PIEZO2: variants seen among roughly 807,000 people sequenced by gnomAD.
The protein encoded by PIEZO2 is piezo type mechanosensitive ion channel component 2, also known as piezo-type mechanosensitive ion channel component 2.
In PIEZO2, 172 loss-of-function variants were observed where a neutral mutation model predicts 337.3. The observed-to-expected ratio is 0.51, with a 90% CI of 0.45 to 0.58. The LOEUF (loss-of-function observed/expected upper bound fraction) is 0.58, where lower values mean the gene tolerates loss of function less well. PIEZO2 is among the 20% of genes least tolerant of loss of function. The probability of loss-of-function intolerance (pLI) is 0.00; values close to 1 mark genes in which losing one functional copy is unlikely to be tolerated. For missense variants in PIEZO2, 3,028 were observed against 3,391.3 expected (o/e 0.89, Z 2.66); for synonymous variants, 1,251 against 1,228.5 (o/e 1.02, Z -0.38).
intron 2 of PIEZO2, among the ~76,000 whole-genome samples, chr18:11,013,696 C>G (rs1008747207): frequency 6.6e-6 from 1 of 152,168 alleles, no homozygotes; most frequent in Non-Finnish European, 1.5e-5. Context: ...ATGCAACATT[C>G]TAATTCATTA....
At chr18:11,140,742 C>T (rs2040620325) in intron 1 of PIEZO2, among the ~76,000 whole-genome samples, 1 of 152,110 alleles carries the variant, frequency 6.6e-6, no homozygotes, top group African/African-American at 2.4e-5. Context: ...GGCCACAGAC[C>T]GACTTTTCCC....
intron 3 of PIEZO2, among the ~76,000 whole-genome samples, chr18:10,957,851 G>A (rs574648850): frequency 3.9e-5 from 6 of 152,134 alleles, no homozygotes; most frequent in South Asian, 2.1e-4. Context: ...AAAAACGGGC[G>A]AAGAATCTGA....
In PIEZO2 at chr18:11,112,160, T is replaced by C. The variant is rs1186839769; in HGVS notation, c.64+36365A>G. Among the ~76,000 whole-genome samples, 1 of 152,222 alleles carries C rather than the reference T, an allele frequency of 6.6e-6. No individual in the cohort carries two copies. Among genetic ancestry groups the C allele is most frequent in the African/African-American group, 2.4e-5 (1 of 41,462 alleles). ...CAAAATAACCAGATACTCATATTTA[T>C]GTATGTATTTCTAATTTAAGTAATC... On this transcript the variant is annotated intron_variant, in intron 1 of 55. Transcript: ENST00000674853. This position sits in a 1 kb window ranked among gnomAD's most constrained non-coding sequence, Gnocchi z 4.3.
chr18:10,720,361 TTCTGTGTGTGTGTGTG>T (rs2036222475), intron 36 of PIEZO2, among the ~76,000 whole-genome samples: 1 of 67,266 alleles, frequency 1.5e-5, no homozygotes, highest in Non-Finnish European at 2.9e-5. Flanking sequence ...CCTATATATA[TTCTGTGTGTGTGTGTG>T]TGTGTGTGTG....
At chr18:10,999,744 G>A (rs1035956610) in intron 2 of PIEZO2, among the ~76,000 whole-genome samples, 1 of 152,070 alleles carries the variant, frequency 6.6e-6, no homozygotes, top group African/African-American at 2.4e-5. Context: ...TAGAAAAATT[G>A]TCTTAGAAAG....
At chr18:10,971,202 A>G (rs541312560) in intron 3 of PIEZO2, among the ~76,000 whole-genome samples, 2 of 152,188 alleles carry the variant, frequency 1.3e-5, no homozygotes, top group Non-Finnish European at 2.9e-5. Context: ...CATCTTCAAA[A>G]TTTTGAAAGA....
At chr18:10,715,415 G>C (rs1022631353) in intron 38 of PIEZO2, among the ~76,000 whole-genome samples, 2 of 152,184 alleles carry the variant, frequency 1.3e-5, no homozygotes, top group African/African-American at 4.8e-5. Flanking sequence ...GGAGGGATAG[G>C]ATGAATAAAG....
At position 10,818,208 on chromosome 18, in the gene PIEZO2, A is replaced by G. The variant is rs530701557; in HGVS notation, c.918-10934T>C. ...CTCTGTTCTGCCAAAGTGCTATTAG[A>G]TTAGATATAAGAAATTTCTTGAAGT... On this transcript the variant is annotated intron_variant, in intron 7 of 55. Coordinates refer to ENST00000674853, the MANE Select transcript of PIEZO2 (RefSeq NM_001378183.1). Among the ~76,000 whole-genome samples the G allele has an allele frequency of 3.2e-3, 491 of 152,278 alleles. 1 individual carries two copies. The highest frequency in any genetic ancestry group is 5.2e-3 in the Non-Finnish European group (351 of 68,016).
chr18:10,884,079 G>A (rs2042503127), intron 4 of PIEZO2, among the ~76,000 whole-genome samples: 1 of 151,998 alleles, frequency 6.6e-6, no homozygotes, highest in African/African-American at 2.4e-5. Flanking sequence ...CCAAAGTGCT[G>A]GGATTACAGG....
Position 11,092,717 on chromosome 18 carries a change from G to C in PIEZO2, c.65-26495C>G, listed in dbSNP as rs2039131776. On this transcript the variant is annotated intron_variant, in intron 1 of 55. Coordinates refer to ENST00000674853, the MANE Select transcript of PIEZO2 (RefSeq NM_001378183.1). The surrounding 1 kb of genome is among the most constrained non-coding windows in gnomAD (Gnocchi z 4.5). Reference sequence around the variant, plus strand: ...AAGAGCTTTGTCAAACCAAGAAAGAGGGTCACAAATGAGTTGCAGCCTTGC... The same window carrying C: ...AAGAGCTTTGTCAAACCAAGAAAGACGGTCACAAATGAGTTGCAGCCTTGC... Among the ~76,000 whole-genome samples the C allele has an allele frequency of 6.6e-6, 1 of 152,156 alleles. No homozygotes were observed. The highest frequency in any genetic ancestry group is 1.5e-5 in the Non-Finnish European group (1 of 68,032).
In PIEZO2 at chr18:11,028,441, A is replaced by G. The variant is rs1417240776; in HGVS notation, c.160+37686T>C. Among the ~76,000 whole-genome samples the G allele has an allele frequency of 6.6e-6, 1 of 151,964 alleles. No homozygotes were observed. The highest frequency in any genetic ancestry group is 1.5e-5 in the Non-Finnish European group (1 of 68,002). On this transcript the variant is annotated intron_variant, in intron 2 of 55. Coordinates refer to ENST00000674853, the MANE Select transcript of PIEZO2 (RefSeq NM_001378183.1). This position sits in a 1 kb window ranked among gnomAD's most constrained non-coding sequence, Gnocchi z 4.8. The stretch of plus-strand genomic sequence containing the variant: ...ACACCTGGGTAATTTTTGTATTTTT[A>G]GTAGAGACAGGGTTTCACCATGCTG...
intron 3 of PIEZO2, among the ~76,000 whole-genome samples, chr18:10,937,868 T>C (rs940139380): frequency 6.6e-6 from 1 of 152,178 alleles, no homozygotes; most frequent in Non-Finnish European, 1.5e-5. Flanking sequence ...AGGAAAATGA[T>C]AAATTAAGTC....
chr18:10,821,541 T>C lies in PIEZO2; in HGVS notation c.918-14267A>G, dbSNP rs943808069. On this transcript the variant is annotated intron_variant, in intron 7 of 55. Transcript: ENST00000674853. This position sits in a 1 kb window ranked among gnomAD's most constrained non-coding sequence, Gnocchi z 4.2. ...ACTATATGAATAATAAATATTTTAT[T>C]TGTAACCAGCTTATACATTAAAATG... Among the ~76,000 whole-genome samples, 5 of 152,226 alleles carry C rather than the reference T, an allele frequency of 3.3e-5. No homozygotes were observed. The highest frequency in any genetic ancestry group is 1.2e-4 in the African/African-American group (5 of 41,464).
chr18:11,079,320 T>C (rs1415632086), intron 1 of PIEZO2, among the ~76,000 whole-genome samples: 1 of 152,212 alleles, frequency 6.6e-6, no homozygotes. Flanking sequence ...TGAGTTAAGA[T>C]GGATGGTTTA....
chr18:10,764,556 C>T (rs1371871775), intron 21 of PIEZO2, among the ~76,000 whole-genome samples: 3 of 150,462 alleles, frequency 2.0e-5, no homozygotes, highest in African/African-American at 7.4e-5. Context: ...TGCCACTGCA[C>T]TCCAGCCTGG....
intron 1 of PIEZO2, among the ~76,000 whole-genome samples, chr18:11,147,576 A>G (rs1482674469): frequency 6.6e-6 from 1 of 152,244 alleles, no homozygotes; most frequent in African/African-American, 2.4e-5. Context: ...CGCCCTCTGT[A>G]AATACAGTTA....
intron 7 of PIEZO2, among the ~76,000 whole-genome samples, chr18:10,845,931 C>T (rs2041344531): frequency 6.6e-6 from 1 of 152,188 alleles, no homozygotes; most frequent in Non-Finnish European, 1.5e-5. Context: ...GCTACTTATA[C>T]CATTAAGCCT....
At chr18:10,911,685 C>T (rs145383984) in intron 3 of PIEZO2, among the ~76,000 whole-genome samples, 160 of 152,262 alleles carry the variant, frequency 1.1e-3, no homozygotes, top group African/African-American at 3.4e-3. Context: ...AACATGGAGG[C>T]AGAGGTTGCA....
At chr18:10,848,765 C>G (rs573661557) in intron 7 of PIEZO2, among the ~76,000 whole-genome samples, 2 of 152,312 alleles carry the variant, frequency 1.3e-5, no homozygotes, top group South Asian at 4.1e-4. Flanking sequence ...TTCAAAGTTG[C>G]ATGCTCATTT....
Sources: gnomAD v4.1 joint callset for allele counts (sites outside exome capture counted in the v4.1 genomes callset) on GRCh38, gnomAD v4.1.1 for gene constraint, Gnocchi (gnomAD v3.1) non-coding constraint, MANE v1.5 for transcripts, NCBI Gene and HGNC (gene_info 2026-07-23, HGNC 2026-07-21) for gene names.